TANK: variants seen among roughly 807,000 people sequenced by gnomAD.
TANK encodes TRAF family member-associated NF-kappa-B activator.
A neutral mutation model predicts 43.6 loss-of-function variants in TANK; 15 were observed. The ratio of observed to expected loss-of-function variants is 0.34; its 90% CI spans 0.23 to 0.53. The LOEUF (loss-of-function observed/expected upper bound fraction) is 0.53. Among genes scored for constraint, TANK ranks in the 20% least tolerant of loss-of-function variants. The pLI is 0.94. For missense variants in TANK, 417 were observed against 498.6 expected (o/e 0.84, Z 1.56); for synonymous variants, 162 against 178.2 (o/e 0.91, Z 0.73).
At chr2:161,208,780 A>AAGGG (rs1336378030) in intron 4 of TANK, among the ~76,000 whole-genome samples, 1 of 152,194 alleles carries the variant, frequency 6.6e-6, no homozygotes, top group African/African-American at 2.4e-5. Flanking sequence ...CACTCAAAGT[A>AAGGG]AGGGATCTGA....
chr2:161,195,746 T>A (rs1054490395), intron 2 of TANK, among the ~76,000 whole-genome samples: 1 of 152,024 alleles, frequency 6.6e-6, no homozygotes, highest in Admixed American at 6.6e-5. Context: ...CCATTAAGGA[T>A]GTGGTAATAG....
At chr2:161,151,385 T>C (rs1684076909) in intron 1 of TANK, among the ~76,000 whole-genome samples, 1 of 152,178 alleles carries the variant, frequency 6.6e-6, no homozygotes, top group South Asian at 2.1e-4. Flanking sequence ...CCAGTGACTA[T>C]TGTAGTACTG....
At chr2:161,207,909 T>C in intron 4 of TANK, 1 of 980,184 alleles carries the variant, frequency 1.0e-6, no homozygotes, top group Non-Finnish European at 1.2e-6. Flanking sequence ...CTATTTTTAA[T>C]ATACTTTAAT....
rs771211766 is a variant in TANK at position 161,235,790 on chromosome 2, A to G, written c.*272A>G. On this transcript the variant is annotated 3_prime_UTR_variant, in exon 8 of 8. Transcript: ENST00000392749. Reference sequence around the variant, plus strand: ...TATTCATGTTTACAGTGCTATTACTATAATTCAAAATTATGTATGTGACTT... The same window carrying G: ...TATTCATGTTTACAGTGCTATTACTGTAATTCAAAATTATGTATGTGACTT... 40 of 220,824 alleles carry G rather than the reference A, an allele frequency of 1.8e-4. No individual in the cohort carries two copies. Among genetic ancestry groups the G allele is most frequent in the Middle Eastern group, 1.6e-3 (1 of 630 alleles). 13.7% of individuals were successfully genotyped at this position (220,824 alleles called of 1,614,324 possible). A position where few individuals can be genotyped will look rare whatever the true frequency, so the allele number is the denominator to read the frequency against.
At chr2:161,138,451 T>A (rs1683649542) in intron 1 of TANK, among the ~76,000 whole-genome samples, 1 of 152,196 alleles carries the variant, frequency 6.6e-6, no homozygotes, top group Non-Finnish European at 1.5e-5. Flanking sequence ...GAGATTCTTA[T>A]GATAGAAAAA....
Position 161,231,044 on chromosome 2 carries a change from T to C in TANK, c.594T>C (p.Ala198=), listed in dbSNP as rs147493225. ...DKQEALFKPQ[A]KDDINRGAPS... ...AAGAAGCGCTGTTTAAGCCTCAGGC[T>C]AAAGATGATATAAATAGAGGTGCAC... is the stretch of plus-strand genomic sequence containing the variant. The change falls in exon 7 of 8, where the codon GCT becomes GCC. Residue 198 remains alanine, a synonymous_variant. Coordinates refer to ENST00000392749, the MANE Select transcript of TANK (RefSeq NM_001199135.3). The C allele has an allele frequency of 3.6e-4, 584 of 1,614,174 alleles. 2 individuals carry two copies. In the African/African-American group the frequency reaches 7.3e-3, roughly 20 times the overall value.
rs147491228 is a variant in TANK at position 161,226,575 on chromosome 2, G to A, written c.520+1829G>A. On this transcript the variant is annotated intron_variant, in intron 6 of 7. Transcript: ENST00000392749. Reference sequence around the variant, plus strand: ...TGCACAATATATCTGGGAAGAGTACGTGTATTGTCCCTATGTTATTTTGTA... The same window carrying A: ...TGCACAATATATCTGGGAAGAGTACATGTATTGTCCCTATGTTATTTTGTA... Among the ~76,000 whole-genome samples the A allele has an allele frequency of 1.6e-4, 25 of 152,184 alleles. No homozygotes were observed. In the East Asian group the frequency reaches 3.9e-3, roughly 23 times the overall value.
intron 2 of TANK, among the ~76,000 whole-genome samples, chr2:161,184,339 C>T (rs959669034): frequency 2.0e-4 from 30 of 152,184 alleles, no homozygotes; most frequent in Admixed American, 2.0e-3. Flanking sequence ...ATATTAAGAA[C>T]CTATTTCATA....
intron 1 of TANK, among the ~76,000 whole-genome samples, chr2:161,164,068 G>C (rs974502880): frequency 6.6e-6 from 1 of 152,178 alleles, no homozygotes; most frequent in Non-Finnish European, 1.5e-5. Flanking sequence ...ATGTGAATGC[G>C]TGGGTATTTT....
chr2:161,172,158 C>G lies in TANK; in HGVS notation c.-49-7456C>G, dbSNP rs1425719856. The stretch of plus-strand genomic sequence containing the variant: ...TAGTCTTTTTACATAAAATAACAGA[C>G]ACAAAATGTCATACACTATTTTATG... On this transcript the variant is annotated intron_variant, in intron 1 of 7. Coordinates refer to ENST00000392749, the MANE Select transcript of TANK (RefSeq NM_001199135.3). 2.6e-5 allele frequency among the ~76,000 whole-genome samples: 4 copies of G among 152,080 alleles called. No individual in the cohort carries two copies. The East Asian group carries it at 7.7e-4, about 29-fold the overall frequency.
chr2:161,184,133 A>T (rs946932288), intron 2 of TANK, among the ~76,000 whole-genome samples: 2 of 152,178 alleles, frequency 1.3e-5, no homozygotes, highest in Non-Finnish European at 2.9e-5. Flanking sequence ...AAGGAATCAT[A>T]TAGCTTCAAA....
rs796717959 is a variant in TANK, at chr2:161,218,531, A to G, written c.328-5384A>G. 5.2e-4 allele frequency among the ~76,000 whole-genome samples: 79 copies of G among 152,352 alleles called. 1 individual carries two copies. The highest frequency in any genetic ancestry group is 1.8e-3 in the African/African-American group (75 of 41,572). On this transcript the variant is annotated intron_variant, in intron 4 of 7. Transcript: ENST00000392749. The stretch of plus-strand genomic sequence containing the variant: ...AAAATCATAATTAAATACGTAATTC[A>G]GAAGATTTTGTGGCTTGCCAGGTGC...
At chr2:161,203,288 C>T (rs1017036129) in intron 2 of TANK, among the ~76,000 whole-genome samples, 199 bp from the exon 3 acceptor site, 22 of 152,104 alleles carry the variant, frequency 1.4e-4, no homozygotes, top group Admixed American at 6.5e-4. Context: ...AAAACTTCTG[C>T]GGTGCTTTAA....
chr2:161,182,249 G>A (rs1685462892), intron 2 of TANK, among the ~76,000 whole-genome samples: 1 of 152,224 alleles, frequency 6.6e-6, no homozygotes, highest in African/African-American at 2.4e-5. Flanking sequence ...CCAGCTAGAT[G>A]TCTTCCAATT....
intron 1 of TANK, chr2:161,161,748 T>G (rs573350346): frequency 8.9e-6 from 2 of 225,526 alleles, no homozygotes; most frequent in African/African-American, 4.4e-5. Flanking sequence ...TAGTTAACTG[T>G]CACTTACTAT....
At chr2:161,197,458 G>A (rs1686206250) in intron 2 of TANK, 1 of 152,170 alleles carries the variant, frequency 6.6e-6, no homozygotes, top group African/African-American at 2.4e-5. Flanking sequence ...CAGAGCTTTT[G>A]TTCATAAACA....
At chr2:161,203,442 A>T in intron 2 of TANK, 45 bp from the exon 3 acceptor site, 1 of 1,271,134 alleles carries the variant, frequency 7.9e-7, no homozygotes, top group Non-Finnish European at 1.1e-6. Flanking sequence ...ATATATGTTC[A>T]TGTCTATCAG....
intron 6 of TANK, among the ~76,000 whole-genome samples, chr2:161,225,186 G>C (rs541498340): frequency 6.6e-6 from 1 of 152,082 alleles, no homozygotes; most frequent in South Asian, 2.1e-4. Context: ...AATTCTGCCT[G>C]AAAGTGCATT....
At chr2:161,189,484 T>C (rs1685816319) in intron 2 of TANK, among the ~76,000 whole-genome samples, 1 of 152,106 alleles carries the variant, frequency 6.6e-6, no homozygotes, top group Non-Finnish European at 1.5e-5. Context: ...TTGTCTACCA[T>C]TGAAATAAGT....
Sources: allele counts gnomAD v4.1 joint callset (sites outside exome capture counted in the v4.1 genomes callset), GRCh38; gene constraint gnomAD v4.1.1; transcripts MANE v1.5; gene names NCBI Gene and HGNC (gene_info 2026-07-23, HGNC 2026-07-21).